CNGB3: variants seen among roughly 807,000 people sequenced by gnomAD.
CNGB3 encodes cyclic nucleotide-gated channel beta-3.
CNGB3 carries 86 observed loss-of-function variants against 92.8 expected under a neutral mutation model. That is an observed-to-expected ratio of 0.93 (90% CI 0.78 to 1.11). The LOEUF (loss-of-function observed/expected upper bound fraction) is 1.11. CNGB3 is among the 50% of genes least tolerant of loss of function. CNGB3 has a pLI of 0.00. For missense variants in CNGB3, 1,026 were observed against 956.8 expected (o/e 1.07, Z -0.95); for synonymous variants, 333 against 332.7 (o/e 1.00, Z -0.01).
intron 13 of CNGB3, among the ~76,000 whole-genome samples, chr8:86,625,008 C>T (rs1379316124): frequency 2.0e-5 from 3 of 152,172 alleles, no homozygotes; most frequent in African/African-American, 4.8e-5. Context: ...AAGATGCCTG[C>T]CCCTGCTTTG....
At chr8:86,630,021 T>A (rs1389403313) in intron 11 of CNGB3, among the ~76,000 whole-genome samples, 1 of 152,230 alleles carries the variant, frequency 6.6e-6, no homozygotes, top group Non-Finnish European at 1.5e-5. Flanking sequence ...AAACGACTCA[T>A]TCTTTGGAGT....
intron 10 of CNGB3, among the ~76,000 whole-genome samples, chr8:86,638,405 G>A (rs1344624867): frequency 6.6e-6 from 1 of 152,010 alleles, no homozygotes; most frequent in Admixed American, 6.6e-5. Context: ...CCCAGCACTT[G>A]GTATTGTCAG....
At chr8:86,697,763 G>T (rs964095050) in intron 3 of CNGB3, among the ~76,000 whole-genome samples, 1 of 152,102 alleles carries the variant, frequency 6.6e-6, no homozygotes, top group African/African-American at 2.4e-5. Flanking sequence ...TTTACATTAA[G>T]TATATCTCCT....
chr8:86,712,454 AT>A (rs1278066947), intron 3 of CNGB3, among the ~76,000 whole-genome samples: 3 of 152,020 alleles, frequency 2.0e-5, no homozygotes, highest in African/African-American at 7.2e-5. Flanking sequence ...CTCATTGGGA[AT>A]TTTTTCTGGT....
At chr8:86,735,910 G>C (rs1428569843) in intron 2 of CNGB3, among the ~76,000 whole-genome samples, 1 of 151,838 alleles carries the variant, frequency 6.6e-6, no homozygotes. Flanking sequence ...ACACAAATAG[G>C]GTCACTTAAA....
At chr8:86,726,778 C>G (rs750591719) in intron 2 of CNGB3, 121 bp from the exon 3 acceptor site, 39 of 1,109,350 alleles carry the variant, frequency 3.5e-5, no homozygotes, top group Non-Finnish European at 4.6e-5. Context: ...AAGAACACCT[C>G]CCCTGGGACT....
intron 10 of CNGB3, among the ~76,000 whole-genome samples, chr8:86,643,089 A>G (rs1563737776): frequency 6.7e-6 from 1 of 149,818 alleles, no homozygotes; most frequent in South Asian, 2.1e-4. Flanking sequence ...TCACAGGCCA[A>G]CTCAGGATAC....
intron 3 of CNGB3, among the ~76,000 whole-genome samples, chr8:86,696,250 G>A (rs1017942339): frequency 2.0e-5 from 3 of 152,158 alleles, no homozygotes; most frequent in African/African-American, 7.2e-5. Flanking sequence ...GTTATGAGTT[G>A]CTGTAATGGC....
At chr8:86,598,040 C>A (rs984482527) in intron 15 of CNGB3, among the ~76,000 whole-genome samples, 1 of 152,002 alleles carries the variant, frequency 6.6e-6, no homozygotes, top group Non-Finnish European at 1.5e-5. Flanking sequence ...GAGAGCAAGG[C>A]GAGTCAGGTG....
intron 7 of CNGB3, among the ~76,000 whole-genome samples, chr8:86,649,782 A>C (rs1423866201): frequency 1.3e-5 from 2 of 151,770 alleles, no homozygotes; most frequent in Non-Finnish European, 3.0e-5. Context: ...ATACAACAAA[A>C]ATAAAAATAA....
intron 14 of CNGB3, among the ~76,000 whole-genome samples, chr8:86,605,182 G>A (rs1327632394): frequency 6.6e-6 from 1 of 152,032 alleles, no homozygotes; most frequent in East Asian, 1.9e-4. Context: ...TTTATCCTTT[G>A]CTATAATAAA....
rs1563763616 is a variant in CNGB3, at chr8:86,713,305, C to T, written c.338+13226G>A. 5.3e-5 allele frequency among the ~76,000 whole-genome samples: 8 copies of T among 152,256 alleles called. 1 individual carries two copies. The South Asian group carries it at 1.4e-3, about 28-fold the overall frequency. On this transcript the variant is annotated intron_variant, in intron 3 of 17. Transcript: ENST00000320005. ...CTCCAGCCTAGATTTACATTAGAATCACCTACAAAGGTTTATGATCTGCTC... is the reference window on the plus strand; with the variant it reads ...CTCCAGCCTAGATTTACATTAGAATTACCTACAAAGGTTTATGATCTGCTC...
chr8:86,628,424 C>CA (rs1400222554), intron 12 of CNGB3, among the ~76,000 whole-genome samples: 1 of 152,116 alleles, frequency 6.6e-6, no homozygotes, highest in Non-Finnish European at 1.5e-5. Context: ...TGAGGGTTGG[C>CA]ATTGTTAACC....
chr8:86,671,069 A>T lies in CNGB3; in HGVS notation c.368T>A (p.Val123Asp). Residue 123 changes from valine (V) to aspartate (D), a missense_variant, in exon 4 of 18, where the codon GTT becomes GAT. Physicochemically the swap from Val to Asp is radical, Grantham distance 152. Coordinates refer to ENST00000320005, the MANE Select transcript of CNGB3 (RefSeq NM_019098.5). ...CTGGGCATCGGCATACTCATTTATAACAGGAGCTGCAGGCGGTTTGTTTTG... is the reference window on the plus strand; with the variant it reads ...CTGGGCATCGGCATACTCATTTATATCAGGAGCTGCAGGCGGTTTGTTTTG... ...SPQNKPPAAP[V>D]INEYADAQLH... The T allele has an allele frequency of 6.2e-7, 1 of 1,614,008 alleles. No homozygotes were observed. Among genetic ancestry groups the T allele is most frequent in the Non-Finnish European group, 8.5e-7 (1 of 1,180,004 alleles).
intron 14 of CNGB3, among the ~76,000 whole-genome samples, chr8:86,608,323 C>T (rs1031700637): frequency 7.9e-5 from 12 of 152,250 alleles, no homozygotes; most frequent in African/African-American, 2.7e-4. Flanking sequence ...TATGCCCAGA[C>T]AGGGCCACCA....
chr8:86,694,558 G>C (rs1482408413), intron 3 of CNGB3, among the ~76,000 whole-genome samples: 1 of 151,342 alleles, frequency 6.6e-6, no homozygotes, highest in South Asian at 2.1e-4. Flanking sequence ...TGGTTGCCAG[G>C]CATAGGGTCT....
At chr8:86,665,005 G>T (rs1281059993) in intron 6 of CNGB3, among the ~76,000 whole-genome samples, 4 of 152,116 alleles carry the variant, frequency 2.6e-5, no homozygotes, top group Non-Finnish European at 5.9e-5. Context: ...GAACAATGTG[G>T]CTGAGAAACC....
intron 3 of CNGB3, among the ~76,000 whole-genome samples, chr8:86,672,319 G>A (rs888853259): frequency 1.2e-4 from 19 of 152,060 alleles, no homozygotes; most frequent in South Asian, 4.1e-4. Context: ...GGCTGGTCTC[G>A]AACTCCTGAC....
At chr8:86,602,891 G>C (rs1362211381) in intron 15 of CNGB3, among the ~76,000 whole-genome samples, 1 of 152,114 alleles carries the variant, frequency 6.6e-6, no homozygotes, top group Non-Finnish European at 1.5e-5. Flanking sequence ...TTCCTATCAT[G>C]GCGTAAAAGA....
Sources: allele counts gnomAD v4.1 joint callset (sites outside exome capture counted in the v4.1 genomes callset), GRCh38; gene constraint gnomAD v4.1.1; transcripts MANE v1.5; gene names NCBI Gene and HGNC (gene_info 2026-07-23, HGNC 2026-07-21).